The following CCDC102B variants were observed in gnomAD, a reference collection of about 807,000 sequenced individuals.
CCDC102B encodes coiled-coil domain-containing protein 102B.
Under a neutral mutation model 57.4 loss-of-function variants are expected in CCDC102B, and 75 were observed. That is an observed-to-expected ratio of 1.31 (90% confidence interval 1.08 to 1.58). CCDC102B has a LOEUF of 1.58. CCDC102B is among the 40% of genes most tolerant of loss of function. The probability of loss-of-function intolerance (pLI) is 0.00; values close to 1 mark genes in which losing one functional copy is unlikely to be tolerated. For synonymous variants in CCDC102B, 206 were observed against 201.9 expected (o/e 1.02, Z -0.17); for missense variants, 636 against 582.6 (o/e 1.09, Z -0.94).
At chr18:68,839,934 TATA>T (rs143449750) in intron 3 of CCDC102B, among the ~76,000 whole-genome samples, 36 of 152,300 alleles carry the variant, frequency 2.4e-4, no homozygotes, top group African/African-American at 8.4e-4. Flanking sequence ...AAAACAATTT[TATA>T]ATAAGGGTGT....
At chr18:68,721,548 G>T (rs2032330671) in intron 2 of CCDC102B, 1 of 152,102 alleles carries the variant, frequency 6.6e-6, no homozygotes, top group South Asian at 2.1e-4. Context: ...AAAAAAATAA[G>T]ATTCCTGACT....
chr18:68,959,648 G>A (rs1161268505), intron 6 of CCDC102B, among the ~76,000 whole-genome samples: 1 of 152,046 alleles, frequency 6.6e-6, no homozygotes, highest in Non-Finnish European at 1.5e-5. Context: ...GCCAGGGGCA[G>A]CCAGTAATCT....
intron 2 of CCDC102B, among the ~76,000 whole-genome samples, chr18:68,775,167 GAT>G (rs1260137017): frequency 6.6e-6 from 1 of 151,528 alleles, no homozygotes; most frequent in Non-Finnish European, 1.5e-5. Context: ...AATATTGACA[GAT>G]ATTTGTGCTA....
At chr18:68,787,552 C>T (rs925400642) in intron 2 of CCDC102B, among the ~76,000 whole-genome samples, 20 of 151,504 alleles carry the variant, frequency 1.3e-4, no homozygotes, top group Non-Finnish European at 2.9e-5. Flanking sequence ...CTGGTTTAGT[C>T]TTGGGAGAGT....
At chr18:68,845,690 A>T (rs1009265745) in intron 3 of CCDC102B, among the ~76,000 whole-genome samples, 2 of 151,972 alleles carry the variant, frequency 1.3e-5, no homozygotes, top group Admixed American at 1.3e-4. Context: ...ACAAAAATCC[A>T]GTGGTTGGTG....
chr18:68,962,783 A>C (rs2050076080), intron 6 of CCDC102B, among the ~76,000 whole-genome samples: 2 of 152,016 alleles, frequency 1.3e-5, no homozygotes, highest in South Asian at 4.1e-4. Context: ...TTGTATTTCC[A>C]TCAGTAATTC....
intron 2 of CCDC102B, among the ~76,000 whole-genome samples, chr18:68,735,758 A>T (rs746345540): frequency 1.1e-4 from 16 of 152,152 alleles, no homozygotes; most frequent in Non-Finnish European, 2.1e-4. Context: ...CATTTTTTTG[A>T]TAAGTGATAT....
At chr18:69,009,891 G>A (rs2145388308) in intron 6 of CCDC102B, among the ~76,000 whole-genome samples, 1 of 129,638 alleles carries the variant, frequency 7.7e-6, no homozygotes, top group Admixed American at 8.4e-5. Context: ...TGAAGAACCA[G>A]AGGCTAACTT....
chr18:68,911,475 G>C (rs970386435), intron 6 of CCDC102B, among the ~76,000 whole-genome samples: 1 of 150,794 alleles, frequency 6.6e-6, no homozygotes, highest in Admixed American at 6.6e-5. Context: ...AGAAAAGGCC[G>C]GGCGCGGTGG....
At chr18:68,867,575 G>A (rs8088744) in intron 4 of CCDC102B, among the ~76,000 whole-genome samples, 8 of 151,746 alleles carry the variant, frequency 5.3e-5, no homozygotes, top group African/African-American at 1.9e-4. Context: ...CACCTACACA[G>A]CATTATTGAA....
chr18:68,735,121 G>A (rs752942460), intron 2 of CCDC102B, among the ~76,000 whole-genome samples: 11 of 151,946 alleles, frequency 7.2e-5, no homozygotes, highest in Non-Finnish European at 1.0e-4. Flanking sequence ...GTGCAGTCTC[G>A]GCTCACTGCA....
At chr18:68,837,849 G>A (rs963892433) in intron 2 of CCDC102B, among the ~76,000 whole-genome samples, 15 of 152,086 alleles carry the variant, frequency 9.9e-5, no homozygotes, top group East Asian at 1.9e-4. Flanking sequence ...AATACTTTCC[G>A]TGAACAACAC....
At chr18:68,962,368 C>T (rs1402977199) in intron 6 of CCDC102B, among the ~76,000 whole-genome samples, 3 of 152,038 alleles carry the variant, frequency 2.0e-5, no homozygotes, top group African/African-American at 7.2e-5. Flanking sequence ...GTGACTCTGA[C>T]GTGTCAATAC....
rs556749375 is a variant in CCDC102B at position 68,958,653 on chromosome 18, T to C, written c.1264-52281T>C. Among the ~76,000 whole-genome samples, 12 of 152,270 alleles carry C rather than the reference T, an allele frequency of 7.9e-5. 1 individual carries two copies. The highest frequency in any genetic ancestry group is 3.4e-3 in the Middle Eastern group (1 of 294). ...ACTTATATTTACAGTTTTGAGGCTA[T>C]TTTCTTGATCTTATATGCATGCTTT... On this transcript the variant is annotated intron_variant, in intron 6 of 7. Coordinates refer to ENST00000360242, the MANE Select transcript of CCDC102B (RefSeq NM_024781.3).
intron 6 of CCDC102B, among the ~76,000 whole-genome samples, chr18:69,009,733 C>A (rs948824830): frequency 6.6e-6 from 1 of 151,508 alleles, no homozygotes; most frequent in East Asian, 1.9e-4. Flanking sequence ...ATTCCACTTT[C>A]AATTTCTACC....
At chr18:68,722,753 C>A (rs1309484558) in intron 2 of CCDC102B, among the ~76,000 whole-genome samples, 1 of 152,144 alleles carries the variant, frequency 6.6e-6, no homozygotes, top group Non-Finnish European at 1.5e-5. Context: ...TCTTCTCAAA[C>A]TTCCTAAGAT....
At chr18:68,825,440 C>T (rs1245034968) in intron 1 of CCDC102B, among the ~76,000 whole-genome samples, 1 of 152,040 alleles carries the variant, frequency 6.6e-6, no homozygotes, top group African/African-American at 2.4e-5. Context: ...CTGTAATCCC[C>T]GCACTTTGGG....
At chr18:68,771,504 CACTTAACT>C (rs2034635903) in intron 2 of CCDC102B, among the ~76,000 whole-genome samples, 1 of 152,146 alleles carries the variant, frequency 6.6e-6, no homozygotes, top group African/African-American at 2.4e-5. Context: ...AAGTCACACA[CACTTAACT>C]ACTTAACTGC....
At chr18:68,863,663 TAAC>T (rs1349029989) in intron 4 of CCDC102B, among the ~76,000 whole-genome samples, 2 of 151,968 alleles carry the variant, frequency 1.3e-5, no homozygotes, top group African/African-American at 4.8e-5. Flanking sequence ...TTTAACCAAG[TAAC>T]AAAATAATGA....
Sources: gnomAD v4.1 joint callset for allele counts (sites outside exome capture counted in the v4.1 genomes callset) on GRCh38, gnomAD v4.1.1 for gene constraint, MANE v1.5 for transcripts, NCBI Gene and HGNC (gene_info 2026-07-23, HGNC 2026-07-21) for gene names.